COG5: variants seen among roughly 807,000 people sequenced by gnomAD.
The protein encoded by COG5 is component of oligomeric golgi complex 5.
A neutral mutation model predicts 110.4 loss-of-function variants in COG5; 86 were observed. The observed-to-expected ratio is 0.78, with a 90% CI of 0.65 to 0.93. The LOEUF (loss-of-function observed/expected upper bound fraction) is 0.93. Ranked by LOEUF, COG5 falls within the 40% of genes least tolerant of loss-of-function variation. The pLI is 0.00. For missense variants in COG5, 1,077 were observed against 987.0 expected (o/e 1.09, Z -1.22); for synonymous variants, 360 against 334.6 (o/e 1.08, Z -0.83).
intron 6 of COG5, among the ~76,000 whole-genome samples, chr7:107,497,259 C>T (rs1798340098): frequency 6.6e-6 from 1 of 152,124 alleles, no homozygotes; most frequent in South Asian, 2.1e-4. Flanking sequence ...CCTGCACCTG[C>T]TCCACCAAAA....
chr7:107,325,632 C>T (rs1204155539), intron 10 of COG5, among the ~76,000 whole-genome samples: 1 of 152,050 alleles, frequency 6.6e-6, no homozygotes, highest in African/African-American at 2.4e-5. Flanking sequence ...GCCTGGGCAA[C>T]AGACCAAAAC....
At chr7:107,246,296 A>G (rs1447891736) in intron 17 of COG5, among the ~76,000 whole-genome samples, 1 of 152,214 alleles carries the variant, frequency 6.6e-6, no homozygotes, top group African/African-American at 2.4e-5. Context: ...TCCTGAACAA[A>G]GGAATAGGCA....
Position 107,478,766 on chromosome 7 carries a change from A to G in COG5, c.538+48471T>C, listed in dbSNP as rs368111217. On this transcript the variant is annotated intron_variant, in intron 6 of 21. Transcript: ENST00000297135. ...GATAAGGGGGGAACAAATGTGTAGC[A>G]AAATCTCAGTTCCTTGGGCATTAAA... Among the ~76,000 whole-genome samples the G allele has an allele frequency of 1.9e-4, 29 of 152,124 alleles. 1 individual carries two copies. The East Asian group carries it at 1.9e-3, about 10-fold the overall frequency.
At chr7:107,538,041 A>G (rs1801717597) in intron 5 of COG5, among the ~76,000 whole-genome samples, 1 of 152,182 alleles carries the variant, frequency 6.6e-6, no homozygotes, top group African/African-American at 2.4e-5. Context: ...CGAGCTACAG[A>G]CATAGATAAG....
intron 6 of COG5, among the ~76,000 whole-genome samples, chr7:107,526,595 A>G (rs913047465): frequency 6.6e-6 from 1 of 152,242 alleles, no homozygotes; most frequent in African/African-American, 2.4e-5. Context: ...CACATAAAGA[A>G]CTGTACACCT....
intron 10 of COG5, among the ~76,000 whole-genome samples, chr7:107,335,053 T>A (rs1562973671): frequency 6.6e-6 from 1 of 152,190 alleles, no homozygotes; most frequent in Non-Finnish European, 1.5e-5. Context: ...GTTTTCTCAG[T>A]GAAAAAAAGT....
chr7:107,369,057 C>A (rs747229591), intron 8 of COG5, among the ~76,000 whole-genome samples: 1 of 152,148 alleles, frequency 6.6e-6, no homozygotes, highest in Admixed American at 6.5e-5. Context: ...CCTCAGCATC[C>A]CAAGTAGCTG....
intron 6 of COG5, among the ~76,000 whole-genome samples, chr7:107,482,641 TA>T (rs1281256447): frequency 6.6e-6 from 1 of 152,172 alleles, no homozygotes; most frequent in Admixed American, 6.6e-5. Flanking sequence ...TTTAACTGAT[TA>T]AATTTTAGTT....
intron 16 of COG5, among the ~76,000 whole-genome samples, chr7:107,249,763 C>A (rs1025868044): frequency 6.7e-6 from 1 of 149,656 alleles, no homozygotes; most frequent in Non-Finnish European, 1.5e-5. Flanking sequence ...GCCCTCCATA[C>A]AGGAGCTCAG....
At chr7:107,538,683 C>T (rs1375369657) in intron 5 of COG5, among the ~76,000 whole-genome samples, 1 of 151,010 alleles carries the variant, frequency 6.6e-6, no homozygotes, top group Non-Finnish European at 1.5e-5. Context: ...TTTGGCATTC[C>T]TCAAAATGTT....
intron 11 of COG5, among the ~76,000 whole-genome samples, chr7:107,321,556 G>T (rs1055860551): frequency 6.6e-6 from 1 of 152,144 alleles, no homozygotes; most frequent in Non-Finnish European, 1.5e-5. Context: ...AAACCCTGTT[G>T]TACTGATGTA....
chr7:107,205,177 G>C (rs1205617154), intron 21 of COG5, among the ~76,000 whole-genome samples: 1 of 152,158 alleles, frequency 6.6e-6, no homozygotes, highest in Non-Finnish European at 1.5e-5. Flanking sequence ...AAGTATTACA[G>C]CACTTGCCGT....
chr7:107,491,315 T>C (rs529159889), intron 6 of COG5, among the ~76,000 whole-genome samples: 2 of 152,244 alleles, frequency 1.3e-5, no homozygotes, highest in African/African-American at 4.8e-5. Context: ...CTTCCATCCC[T>C]GAAGAGTAAC....
chr7:107,292,229 G>A lies in COG5; in HGVS notation c.1313+5913C>T, dbSNP rs144251700. ...CTTTTTTATTTTTTGTAGAGACGGG[G>A]TCTGTTTTGCTCAGGCTGGTCTCAA... On this transcript the variant is annotated intron_variant, in intron 12 of 21. Coordinates refer to ENST00000297135, the MANE Select transcript of COG5 (RefSeq NM_006348.5). 6.6e-5 allele frequency among the ~76,000 whole-genome samples: 10 copies of A among 152,172 alleles called. No individual in the cohort carries two copies. The East Asian group carries it at 1.9e-3, about 29-fold the overall frequency.
intron 6 of COG5, among the ~76,000 whole-genome samples, chr7:107,493,371 T>C (rs1368609043): frequency 6.6e-6 from 1 of 152,142 alleles, no homozygotes; most frequent in Non-Finnish European, 1.5e-5. Flanking sequence ...ATCAAAAGCA[T>C]TAGAGTTCAA....
chr7:107,263,993 G>A lies in COG5; in HGVS notation c.1576-5610C>T, dbSNP rs1378842696. ...TATTAAGAAAATCTAAGAATTATTT[G>A]TGGGGAGTTATAAAGTTGATGGCTC... On this transcript the variant is annotated intron_variant, in intron 14 of 21. Coordinates refer to ENST00000297135, the MANE Select transcript of COG5 (RefSeq NM_006348.5). Among the ~76,000 whole-genome samples, 3 of 152,194 alleles carry A rather than the reference G, an allele frequency of 2.0e-5. No individual in the cohort carries two copies. The East Asian group carries it at 5.8e-4, about 29-fold the overall frequency.
rs551938472 is a variant in COG5, at chr7:107,304,486, A to C, written c.1109-6140T>G. Among the ~76,000 whole-genome samples the C allele has an allele frequency of 2.6e-5, 4 of 152,346 alleles. No individual in the cohort carries two copies. The East Asian group carries it at 7.7e-4, about 29-fold the overall frequency. On this transcript the variant is annotated intron_variant, in intron 11 of 21. Transcript: ENST00000297135. The stretch of plus-strand genomic sequence containing the variant: ...TTACTGAATGAACAAATGAATTGAA[A>C]GTAGAATGAAAAGGGGGTCTAGGTT...
intron 19 of COG5, among the ~76,000 whole-genome samples, chr7:107,215,008 T>C (rs367878273): frequency 1.3e-5 from 2 of 151,838 alleles, no homozygotes; most frequent in East Asian, 1.9e-4. Context: ...GACATCAAAA[T>C]ATTAAAATGT....
chr7:107,533,631 GAACA>G (rs937934049), intron 5 of COG5, among the ~76,000 whole-genome samples: 2 of 151,486 alleles, frequency 1.3e-5, no homozygotes, highest in East Asian at 1.9e-4. Context: ...GAATGAAAAA[GAACA>G]AACAAAGCCT....
Sources: gnomAD v4.1 joint callset for allele counts (sites outside exome capture counted in the v4.1 genomes callset) on GRCh38, gnomAD v4.1.1 for gene constraint, MANE v1.5 for transcripts, NCBI Gene and HGNC (gene_info 2026-07-23, HGNC 2026-07-21) for gene names.